TCF4: variants seen among roughly 807,000 people sequenced by gnomAD.
TCF4 encodes the protein SL3-3 enhancer factor 2.
Under a neutral mutation model 82.1 loss-of-function variants are expected in TCF4, and 3 were observed. That is an observed-to-expected ratio of 0.04 (90% confidence interval 0.02 to 0.09). TCF4 has a LOEUF of 0.09. Among genes scored for constraint, TCF4 ranks in the 10% least tolerant of loss-of-function variants. The pLI, the probability that TCF4 is intolerant of heterozygous loss-of-function variation, is 1.00. For missense variants in TCF4, 518 were observed against 852.7 expected, an observed-to-expected ratio of 0.61 and a Z score of 4.89; for synonymous variants, 276 against 309.6, an observed-to-expected ratio of 0.89 and a Z score of 1.14.
chr18:55,618,407 T>C (rs919906645), intron 2 of TCF4, among the ~76,000 whole-genome samples: 5 of 152,158 alleles, frequency 3.3e-5, no homozygotes, highest in African/African-American at 4.8e-5. Flanking sequence ...CATAATTGTC[T>C]TTTATGATTT....
At chr18:55,329,785 A>C (rs1336382391) in intron 8 of TCF4, among the ~76,000 whole-genome samples, 1 of 152,248 alleles carries the variant, frequency 6.6e-6, no homozygotes, top group Non-Finnish European at 1.5e-5. Flanking sequence ...CAAAGACATG[A>C]AAATTGTCTC....
intron 3 of TCF4, among the ~76,000 whole-genome samples, chr18:55,573,028 G>A (rs541299501): frequency 6.6e-6 from 1 of 151,980 alleles, no homozygotes; most frequent in South Asian, 2.1e-4. Flanking sequence ...ACTCCAGCCT[G>A]GGCAATGAGA....
rs574293862 is a variant in TCF4, at chr18:55,560,925, G to A, written c.145+24355C>T. On this transcript the variant is annotated intron_variant, in intron 3 of 19. Coordinates refer to ENST00000354452, the MANE Select transcript of TCF4 (RefSeq NM_001083962.2). Reference sequence around the variant, plus strand: ...TGTAAGATGATTTTCCTATAGAAATGTATCATATCTTTCATTAGATTCCCA... The same window carrying A: ...TGTAAGATGATTTTCCTATAGAAATATATCATATCTTTCATTAGATTCCCA... Among the ~76,000 whole-genome samples the A allele has an allele frequency of 2.0e-5, 3 of 152,268 alleles. No homozygotes were observed. In the South Asian group the frequency reaches 6.2e-4, roughly 32 times the overall value.
intron 17 of TCF4, chr18:55,231,869 G>A (rs929227416): frequency 6.6e-6 from 1 of 152,224 alleles, no homozygotes; most frequent in Non-Finnish European, 1.5e-5. Context: ...TCAGGGAATT[G>A]AGGCAAAGTA....
intron 3 of TCF4, among the ~76,000 whole-genome samples, chr18:55,566,982 A>G (rs1380081302): frequency 6.6e-6 from 1 of 151,928 alleles, no homozygotes; most frequent in East Asian, 1.9e-4. Flanking sequence ...GGGTAGATCT[A>G]CTAGAAAAGA....
intron 18 of TCF4, 59 bp downstream of exon 18, chr18:55,228,788 C>G: frequency 1.9e-6 from 3 of 1,579,904 alleles, no homozygotes; most frequent in Non-Finnish European, 2.6e-6. Context: ...GTGCCCATCT[C>G]AGCTTGTGCC....
chr18:55,330,756 A>G (rs147449964), intron 8 of TCF4, among the ~76,000 whole-genome samples: 5,193 of 151,056 alleles, frequency 0.034, 124 homozygotes, highest in African/African-American at 0.044. Context: ...TTTAGTAGAG[A>G]CAGGGTTTCA....
chr18:55,558,189 C>T (rs1367581359), intron 3 of TCF4, among the ~76,000 whole-genome samples: 1 of 152,004 alleles, frequency 6.6e-6, no homozygotes, highest in Non-Finnish European at 1.5e-5. Flanking sequence ...TCCAGTCTGG[C>T]AACAGGGTGA....
chr18:55,452,343 G>A (rs1223253470), intron 5 of TCF4, among the ~76,000 whole-genome samples: 1 of 152,222 alleles, frequency 6.6e-6, no homozygotes, highest in African/African-American at 2.4e-5. Flanking sequence ...AAAGAAAATA[G>A]AGGGTTTTCT....
chr18:55,233,360 TTGGTCCATGCG>T (rs1406559972), intron 16 of TCF4, among the ~76,000 whole-genome samples: 1 of 152,184 alleles, frequency 6.6e-6, no homozygotes, highest in African/African-American at 2.4e-5. Context: ...CACTCAAACT[TTGGTCCATGCG>T]GCCTCATCAT....
chr18:55,284,604 T>TC (rs1406983873), intron 8 of TCF4, among the ~76,000 whole-genome samples: 4 of 152,136 alleles, frequency 2.6e-5, no homozygotes, highest in Non-Finnish European at 5.9e-5. Context: ...CCTTTACCAC[T>TC]CCTCCACGTT....
intron 8 of TCF4, among the ~76,000 whole-genome samples, chr18:55,306,500 G>C (rs2070388206): frequency 6.6e-6 from 1 of 152,192 alleles, no homozygotes; most frequent in African/African-American, 2.4e-5. Context: ...ATTAGTCCAA[G>C]AAAGGTCTGT....
At chr18:55,516,154 G>C (rs1406261665) in intron 3 of TCF4, among the ~76,000 whole-genome samples, 1 of 152,086 alleles carries the variant, frequency 6.6e-6, no homozygotes, top group Non-Finnish European at 1.5e-5. Flanking sequence ...AGATGGAAAA[G>C]ATGACTGGAC....
intron 8 of TCF4, among the ~76,000 whole-genome samples, chr18:55,307,418 C>T (rs769481454): frequency 3.3e-5 from 5 of 152,216 alleles, no homozygotes; most frequent in Non-Finnish European, 5.9e-5. Context: ...AGAGCATTGG[C>T]TGTTGTATCA....
intron 3 of TCF4, among the ~76,000 whole-genome samples, chr18:55,511,330 TTAAAA>T (rs1702351397): frequency 1.4e-5 from 1 of 73,072 alleles, no homozygotes; most frequent in African/African-American, 3.6e-5. Flanking sequence ...TTCCAAAAGT[TTAAAA>T]AAAAAAAAAA....
intron 2 of TCF4, among the ~76,000 whole-genome samples, chr18:55,623,647 TA>T (rs1012868981): frequency 3.3e-5 from 5 of 152,288 alleles, no homozygotes; most frequent in South Asian, 2.1e-4. Flanking sequence ...AGTGGATCGA[TA>T]TTTTTTTTTG....
chr18:55,630,073 C>T (rs1372960426), intron 2 of TCF4, among the ~76,000 whole-genome samples: 1 of 152,108 alleles, frequency 6.6e-6, no homozygotes, highest in East Asian at 1.9e-4. Context: ...TGAGCACCAT[C>T]TGAAGACATT....
At chr18:55,430,957 AAG>A (rs2095172348) in intron 5 of TCF4, among the ~76,000 whole-genome samples, 1 of 152,186 alleles carries the variant, frequency 6.6e-6, no homozygotes, top group Admixed American at 6.5e-5. Context: ...ACTGCCAGAG[AAG>A]AGAGGATCCA....
At chr18:55,301,840 T>A (rs116688378) in intron 8 of TCF4, among the ~76,000 whole-genome samples, 6,062 of 137,304 alleles carry the variant, frequency 0.044, 202 homozygotes, top group South Asian at 0.17. Context: ...TGGGGGAGAG[T>A]TATCAATTCC....
Sources: gnomAD v4.1 joint callset for allele counts (sites outside exome capture counted in the v4.1 genomes callset) on GRCh38, gnomAD v4.1.1 for gene constraint, MANE v1.5 for transcripts, NCBI Gene and HGNC (gene_info 2026-07-23, HGNC 2026-07-21) for gene names.